The following SERPINA12 variants were observed in gnomAD, a reference collection of about 807,000 sequenced individuals.
SERPINA12 encodes the protein serpin family A member 12, also known as serpin A12.
Under a neutral mutation model 25.9 loss-of-function variants are expected in SERPINA12, and 21 were observed. The observed-to-expected ratio is 0.81, with a 90% CI of 0.58 to 1.17. SERPINA12 has a LOEUF of 1.17. SERPINA12 is among the 50% of genes most tolerant of loss of function. The probability of loss-of-function intolerance (pLI) is 0.00; values close to 1 mark genes in which losing one functional copy is unlikely to be tolerated. For missense variants in SERPINA12, 562 were observed against 508.3 expected (o/e 1.11, Z -1.02); for synonymous variants, 220 against 196.0 (o/e 1.12, Z -1.02).
chr14:94,487,553 C>A (rs576365021), intron 4 of SERPINA12, 59 bp from the exon 5 acceptor site: 1 of 1,476,370 alleles, frequency 6.8e-7, no homozygotes, highest in African/African-American at 1.4e-5. Flanking sequence ...CACAGTGGGC[C>A]GGAGGCCCAG....
chr14:94,502,115 G>GA (rs11336348), intron 1 of SERPINA12, among the ~76,000 whole-genome samples: 7 of 147,732 alleles, frequency 4.7e-5, no homozygotes, highest in East Asian at 4.0e-4. Flanking sequence ...ACAAAACCAA[G>GA]AAAAAAAAAA....
chr14:94,487,538 G>T, intron 4 of SERPINA12, 44 bp from the exon 5 acceptor site: 1 of 1,540,994 alleles, frequency 6.5e-7, no homozygotes, highest in Non-Finnish European at 8.8e-7. Context: ...AAGCTCCTTG[G>T]CGACCACAGT....
rs1028564772 is a variant in SERPINA12, at chr14:94,497,827, T to C, written c.571A>G (p.Asn191Asp). The C allele has an allele frequency of 7.4e-6, 12 of 1,614,086 alleles. No homozygotes were observed. Among genetic ancestry groups the C allele is most frequent in the Non-Finnish European group, 9.3e-6 (11 of 1,180,006 alleles). ...ISQKTHGKINNLIENIDPGTV... is the reference protein window; with the variant it reads ...ISQKTHGKINDLIENIDPGTV... ...CCGGGGTCTATATTCTCGATCAGGT[T>C]GTTAATTTTCCCATGGGTTTTTTGA... The change falls in exon 2 of 5, where the codon AAC (asparagine) becomes GAC (aspartate). Residue 191 changes from asparagine (N) to aspartate (D), a missense_variant. Transcript: ENST00000677451.
At chr14:94,494,868 G>T (rs931927758) in intron 3 of SERPINA12, among the ~76,000 whole-genome samples, 2 of 152,136 alleles carry the variant, frequency 1.3e-5, no homozygotes, top group African/African-American at 4.8e-5. Context: ...GCTAAAGGTT[G>T]TAACCTGGAC....
At chr14:94,505,467 G>A (rs530075990) in intron 1 of SERPINA12, among the ~76,000 whole-genome samples, 2 of 152,208 alleles carry the variant, frequency 1.3e-5, no homozygotes, top group South Asian at 4.1e-4. Flanking sequence ...CCATGTGAAC[G>A]GCGAGATGAG....
chr14:94,496,702 C>A lies in SERPINA12; in HGVS notation c.635-59G>T, dbSNP rs998360883. 4.9e-6 allele frequency: 7 copies of A among 1,420,150 alleles called. No individual in the cohort carries two copies. In the African/African-American group the frequency reaches 8.5e-5, roughly 17 times the overall value. The allele number at this position is 1,420,150 out of a possible 1,614,324, so 88.0% of individuals were successfully genotyped here. ...CCCAAGGGAAAAAAGGTGACTAAAT[C>A]CAACTAACCAGTAGTCTCTCTCCAC... On this transcript the variant is annotated intron_variant, in intron 2 of 4. Transcript: ENST00000677451.
At chr14:94,516,310 G>A (rs976627783) in intron 1 of SERPINA12, among the ~76,000 whole-genome samples, 1 of 152,194 alleles carries the variant, frequency 6.6e-6, no homozygotes, top group East Asian at 1.9e-4. Context: ...AGAAAACCTG[G>A]GTATGAGTTG....
upstream of SERPINA12, chr14:94,509,899 G>GGGACA (rs1216436476): frequency 1.2e-6 from 1 of 834,728 alleles, no homozygotes; most frequent in Non-Finnish European, 1.4e-6. Context: ...TTCCTTCCCT[G>GGGACA]GGACAGGACA....
At chr14:94,511,367 C>G (rs1036155579), upstream of SERPINA12, 5 of 978,678 alleles carry the variant, frequency 5.1e-6, no homozygotes, top group Admixed American at 1.8e-4. Flanking sequence ...TCAAATGTCA[C>G]ACGGTTATTT....
intron 1 of SERPINA12, 123 bp from the exon 2 acceptor site, chr14:94,498,553 T>G: frequency 1.3e-6 from 1 of 752,648 alleles, no homozygotes; most frequent in Non-Finnish European, 2.1e-6. Context: ...TATGAGTGCT[T>G]TGACCCCTTT....
chr14:94,489,479 A>G, intron 4 of SERPINA12, 141 bp downstream of exon 4: 1 of 885,140 alleles, frequency 1.1e-6, no homozygotes, highest in Non-Finnish European at 1.7e-6. Flanking sequence ...CGGGGTTGGT[A>G]AGGGGCACAG....
chr14:94,497,878 G>A lies in SERPINA12; in HGVS notation c.520C>T (p.Gln174Ter). 1 of 1,614,162 alleles carries A rather than the reference G, an allele frequency of 6.2e-7. No individual in the cohort carries two copies. Among genetic ancestry groups the A allele is most frequent in the African/African-American group, 1.3e-5 (1 of 75,040 alleles). The change falls in exon 2 of 5, where the codon CAG becomes TAG. Residue 174 changes from glutamine to a stop codon, truncating the protein, a stop_gained. Coordinates refer to ENST00000677451, the MANE Select transcript of SERPINA12 (RefSeq NM_001382267.1). LOFTEE classifies it high-confidence loss of function. The stretch of plus-strand genomic sequence containing the variant: ...CTGATAAAGTCATTGATCTGCTTCT[G>A]AGCCATTTCCAAATTCTGAAAGTTG... ...LTNFQNLEMA[Q>*]KQINDFISQK... is the part of the protein sequence containing the mutation.
chr14:94,509,875 T>A, upstream of SERPINA12: 3 of 603,754 alleles, frequency 5.0e-6, no homozygotes, highest in Non-Finnish European at 6.2e-6. Context: ...TTGAGCAGAA[T>A]CGTCCACCCC....
At chr14:94,506,909 G>A (rs1900947286) in intron 1 of SERPINA12, among the ~76,000 whole-genome samples, 1 of 152,222 alleles carries the variant, frequency 6.6e-6, no homozygotes, top group East Asian at 1.9e-4. Flanking sequence ...CAGGTATCAA[G>A]ATGGCTGTAA....
intron 2 of SERPINA12, 68 bp from the exon 3 acceptor site, chr14:94,496,711 C>T: frequency 1.5e-6 from 2 of 1,315,822 alleles, no homozygotes; most frequent in East Asian, 2.3e-5. Context: ...TCCAACTAAC[C>T]AGTAGTCTCT....
chr14:94,511,485 G>C, upstream of SERPINA12: 1 of 985,442 alleles, frequency 1.0e-6, no homozygotes, highest in Non-Finnish European at 1.2e-6. Context: ...TTCTGGAACT[G>C]TCTGCATGCC....
chr14:94,502,115 GAA>G (rs11336348), intron 1 of SERPINA12, among the ~76,000 whole-genome samples: 4 of 147,626 alleles, frequency 2.7e-5, no homozygotes, highest in Non-Finnish European at 6.0e-5. Flanking sequence ...ACAAAACCAA[GAA>G]AAAAAAAAGA....
intron 2 of SERPINA12, 69 bp from the exon 3 acceptor site, chr14:94,496,712 A>G: frequency 6.1e-6 from 8 of 1,313,054 alleles, no homozygotes; most frequent in Non-Finnish European, 7.6e-6. Context: ...CCAACTAACC[A>G]GTAGTCTCTC....
At chr14:94,497,168 G>A (rs912267993) in intron 2 of SERPINA12, among the ~76,000 whole-genome samples, 3 of 152,184 alleles carry the variant, frequency 2.0e-5, no homozygotes, top group Admixed American at 2.0e-4. Flanking sequence ...GGTGTTGGGG[G>A]ATAAAGTTGA....
Sources: gnomAD v4.1 joint callset for allele counts (sites outside exome capture counted in the v4.1 genomes callset) on GRCh38, gnomAD v4.1.1 for gene constraint, MANE v1.5 for transcripts, NCBI Gene and HGNC (gene_info 2026-07-23, HGNC 2026-07-21) for gene names.